Variants in CPQ observed in about 807,000 individuals in gnomAD.
CPQ encodes Ser-Met dipeptidase.
A neutral mutation model predicts 45.7 loss-of-function variants in CPQ; 37 were observed. The ratio of observed to expected loss-of-function variants is 0.81; its 90% CI spans 0.62 to 1.07. The LOEUF (loss-of-function observed/expected upper bound fraction) is 1.07, where lower values mean the gene tolerates loss of function less well. CPQ is among the 50% of genes least tolerant of loss of function. CPQ has a pLI of 0.00. For missense variants in CPQ, 537 were observed against 572.9 expected, an observed-to-expected ratio of 0.94 and a Z score of 0.64; for synonymous variants, 186 against 205.8, an observed-to-expected ratio of 0.90 and a Z score of 0.82.
Position 96,936,620 on chromosome 8 carries a change from G to A in CPQ, c.850-29315G>A, listed in dbSNP as rs911321068. 3.3e-5 allele frequency among the ~76,000 whole-genome samples: 5 copies of A among 152,308 alleles called. No individual in the cohort carries two copies. The East Asian group carries it at 7.7e-4, about 24-fold the overall frequency. Reference sequence around the variant, plus strand: ...AAAATCTCTTGCCTGTCAACAATTAGTGGAAACATACAGAAATATCTAAAT... The same window carrying A: ...AAAATCTCTTGCCTGTCAACAATTAATGGAAACATACAGAAATATCTAAAT... On this transcript the variant is annotated intron_variant, in intron 4 of 7. Transcript: ENST00000220763.
intron 7 of CPQ, among the ~76,000 whole-genome samples, chr8:97,075,832 C>T (rs1260975877): frequency 2.6e-5 from 4 of 152,122 alleles, no homozygotes; most frequent in South Asian, 4.1e-4. Flanking sequence ...AACCCCCATG[C>T]ACCCACCACT....
chr8:96,685,729 T>C (rs1009100075), intron 1 of CPQ, among the ~76,000 whole-genome samples: 1 of 152,160 alleles, frequency 6.6e-6, no homozygotes, highest in Non-Finnish European at 1.5e-5. Context: ...AACTTCAGAA[T>C]CAAATCAATT....
intron 1 of CPQ, among the ~76,000 whole-genome samples, chr8:96,729,246 G>T (rs967497392): frequency 2.0e-5 from 3 of 152,142 alleles, no homozygotes; most frequent in Non-Finnish European, 4.4e-5. Context: ...TTAATTCCTT[G>T]TTGGGCATGA....
chr8:96,939,134 T>C (rs911174033), intron 4 of CPQ, among the ~76,000 whole-genome samples: 3 of 152,208 alleles, frequency 2.0e-5, no homozygotes, highest in African/African-American at 7.2e-5. Flanking sequence ...CAGTCATCTG[T>C]AAATTTATCT....
At chr8:97,096,529 A>G (rs1671608336) in intron 7 of CPQ, among the ~76,000 whole-genome samples, 1 of 152,344 alleles carries the variant, frequency 6.6e-6, no homozygotes, top group South Asian at 2.1e-4. Flanking sequence ...AAAAATGGAA[A>G]GAGAGAAAGT....
At chr8:96,808,298 T>C (rs944794384) in intron 2 of CPQ, among the ~76,000 whole-genome samples, 1 of 152,162 alleles carries the variant, frequency 6.6e-6, no homozygotes, top group Admixed American at 6.5e-5. Flanking sequence ...AATAGTGACG[T>C]GAAGCTTGGT....
At chr8:97,001,429 G>C (rs1809278055) in intron 5 of CPQ, among the ~76,000 whole-genome samples, 1 of 152,012 alleles carries the variant, frequency 6.6e-6, no homozygotes, top group Non-Finnish European at 1.5e-5. Flanking sequence ...TCAATACCTA[G>C]TTTATTGAGA....
At chr8:97,125,756 C>A (rs1320732883) in intron 7 of CPQ, among the ~76,000 whole-genome samples, 2 of 152,114 alleles carry the variant, frequency 1.3e-5, no homozygotes, top group Non-Finnish European at 2.9e-5. Flanking sequence ...GATGTCAAAT[C>A]TTCAGTTTAA....
At chr8:96,867,743 T>C (rs1812013900) in intron 3 of CPQ, among the ~76,000 whole-genome samples, 1 of 152,080 alleles carries the variant, frequency 6.6e-6, no homozygotes, top group African/African-American at 2.4e-5. Context: ...TTTTAATCAC[T>C]TTCTTGTGGC....
At chr8:96,849,448 G>C (rs1811742615) in intron 3 of CPQ, among the ~76,000 whole-genome samples, 1 of 152,112 alleles carries the variant, frequency 6.6e-6, no homozygotes, top group Non-Finnish European at 1.5e-5. Context: ...TTTGTATTAT[G>C]ACACTAGTAG....
chr8:97,051,529 AC>A (rs1374405734), intron 6 of CPQ, among the ~76,000 whole-genome samples: 1 of 152,194 alleles, frequency 6.6e-6, no homozygotes, highest in African/African-American at 2.4e-5. Context: ...TGCTAATACT[AC>A]TGAAGTTTGT....
intron 1 of CPQ, among the ~76,000 whole-genome samples, chr8:96,717,078 CGT>C: frequency 1.9e-5 from 1 of 51,560 alleles, no homozygotes; most frequent in African/African-American, 9.7e-5. Flanking sequence ...TATATATATA[CGT>C]ATATATACAC....
At chr8:96,857,916 A>C (rs1364619030) in intron 3 of CPQ, among the ~76,000 whole-genome samples, 1 of 152,216 alleles carries the variant, frequency 6.6e-6, no homozygotes, top group East Asian at 1.9e-4. Flanking sequence ...TGAGTGTCGC[A>C]GTGAATGGGG....
intron 7 of CPQ, among the ~76,000 whole-genome samples, chr8:97,098,704 C>T (rs1811251030): frequency 6.6e-6 from 1 of 152,140 alleles, no homozygotes; most frequent in African/African-American, 2.4e-5. Context: ...GGTCACAGTA[C>T]AGGTCATCAT....
At chr8:96,782,756 T>G (rs1810705699) in intron 1 of CPQ, among the ~76,000 whole-genome samples, 1 of 152,178 alleles carries the variant, frequency 6.6e-6, no homozygotes, top group East Asian at 1.9e-4. Flanking sequence ...ATTATATACA[T>G]TTAAAAGAAG....
chr8:96,796,322 G>C (rs1810928087), intron 2 of CPQ, among the ~76,000 whole-genome samples: 1 of 151,904 alleles, frequency 6.6e-6, no homozygotes. Context: ...CATATCTCTT[G>C]CCTATTTTTC....
intron 5 of CPQ, among the ~76,000 whole-genome samples, chr8:97,011,383 G>T (rs1809482006): frequency 6.6e-6 from 1 of 152,160 alleles, no homozygotes; most frequent in African/African-American, 2.4e-5. Flanking sequence ...GAATTTGCAG[G>T]TGCTAATATG....
chr8:96,986,611 T>C (rs575675222), intron 5 of CPQ, among the ~76,000 whole-genome samples: 2 of 152,208 alleles, frequency 1.3e-5, no homozygotes, highest in South Asian at 2.1e-4. Flanking sequence ...TGGATTTCCA[T>C]TGAAGGACAG....
At chr8:96,900,359 G>A (rs575768025) in intron 4 of CPQ, among the ~76,000 whole-genome samples, 2 of 152,276 alleles carry the variant, frequency 1.3e-5, no homozygotes, top group East Asian at 3.9e-4. Flanking sequence ...ACCTTGGAAA[G>A]CCATTTTCTG....
Sources: allele counts gnomAD v4.1 joint callset (sites outside exome capture counted in the v4.1 genomes callset), GRCh38; gene constraint gnomAD v4.1.1; transcripts MANE v1.5; gene names NCBI Gene and HGNC (gene_info 2026-07-23, HGNC 2026-07-21).